The following FHL1 variants were observed in gnomAD, a reference collection of about 807,000 sequenced individuals.
The protein encoded by FHL1 is four and a half LIM domains 1.
FHL1 carries 1 observed loss-of-function variant against 20.3 expected under a neutral mutation model. The observed-to-expected ratio is 0.05, with a 90% CI of 0.02 to 0.23. The LOEUF is 0.23. Ranked by LOEUF, FHL1 falls within the 10% of genes least tolerant of loss-of-function variation. FHL1 has a pLI of 1.00. For synonymous variants in FHL1, 82 were observed against 88.9 expected (o/e 0.92, Z 0.44); for missense variants, 177 against 234.0 (o/e 0.76, Z 1.59).
rs973503617 is a variant in FHL1, at chrX:136,206,907, A to G, written c.205-109A>G. 6.9e-6 allele frequency: 6 copies of G among 863,336 alleles called. No homozygotes were observed. In the Admixed American group the frequency reaches 8.9e-5, roughly 13 times the overall value. The allele number at this position is 863,336 out of a possible 1,213,427, so 71.1% of individuals were successfully genotyped here. On this transcript the variant is annotated intron_variant, in intron 2 of 5. Coordinates refer to ENST00000370683, the MANE Select transcript of FHL1 (RefSeq NM_001159699.2). ...TGTGGGGCAGTCCCAGGTGTAAGGG[A>G]CTGTGTCATCTCAGTGGTCAGTCCC...
intron 2 of FHL1, among the ~76,000 whole-genome samples, chrX:136,182,130 C>CT (rs1459661021): frequency 8.9e-6 from 1 of 112,046 alleles, no homozygotes; most frequent in East Asian, 2.8e-4. Flanking sequence ...TAAATTGGAA[C>CT]TTTTTTGTAA....
At chrX:136,194,406 G>C (rs376841434), upstream of FHL1, among the ~76,000 whole-genome samples, 2 of 111,810 alleles carry the variant, frequency 1.8e-5, no homozygotes, top group Non-Finnish European at 3.8e-5. Context: ...TGTATCTGCA[G>C]ATAGTAGGAC....
At chrX:136,173,537 T>C (rs1430729773) in intron 2 of FHL1, among the ~76,000 whole-genome samples, 1 of 111,807 alleles carries the variant, frequency 8.9e-6, no homozygotes, top group East Asian at 2.8e-4. Flanking sequence ...GGTGTTCTTT[T>C]AAAATTTTAA....
At chrX:136,208,844 CTG>C (rs2073923145) in intron 5 of FHL1, among the ~76,000 whole-genome samples, 1 of 107,971 alleles carries the variant, frequency 9.3e-6, no homozygotes, top group Non-Finnish European at 1.9e-5. Context: ...CACTTCCTGA[CTG>C]TTGACTAACA....
chrX:136,171,322 A>C (rs1055841687), intron 2 of FHL1, among the ~76,000 whole-genome samples: 1 of 111,793 alleles, frequency 8.9e-6, no homozygotes, highest in Non-Finnish European at 1.9e-5. Context: ...AGAGAAAACC[A>C]AAGCTGAACT....
Position 136,206,498 on chromosome X carries a change from G to A in FHL1, c.114G>A (p.Lys38=), listed in dbSNP as rs140149764. The A allele has an allele frequency of 9.8e-5, 119 of 1,211,485 alleles. No homozygotes were observed. In the African/African-American group the frequency reaches 2.0e-3, roughly 20 times the overall value. The change falls in exon 2 of 6, where the codon AAG becomes AAA. Residue 38 remains lysine (K), a synonymous_variant. Transcript: ENST00000370683. The part of the protein sequence containing the change: ...DPLQGKKYVQ[K]DGHHCCLKCF... ...TGCAGGGGAAGAAGTATGTGCAAAA[G>A]GATGGCCACCACTGCTGCCTGAAAT... is the stretch of plus-strand genomic sequence containing the variant.
At chrX:136,194,296 A>G (rs1225264300), upstream of FHL1, among the ~76,000 whole-genome samples, 3 of 112,371 alleles carry the variant, frequency 2.7e-5, no homozygotes, top group Admixed American at 1.9e-4. Flanking sequence ...AATACCTTGC[A>G]CCACATAGTA....
chrX:136,210,642 C>T lies in FHL1; in HGVS notation c.*617C>T, dbSNP rs1413238755. On this transcript the variant is annotated 3_prime_UTR_variant, in exon 6 of 6. Transcript: ENST00000370683. The stretch of plus-strand genomic sequence containing the variant: ...CTTTCCCCGTACTAACGTTTGGTTT[C>T]CCCGTGTGGCATGTTTTCTGAGCGT... 1 of 388,374 alleles carries T rather than the reference C, an allele frequency of 2.6e-6. No homozygotes were observed. The highest frequency in any genetic ancestry group is 4.8e-6 in the Non-Finnish European group (1 of 206,802). 32.0% of individuals were successfully genotyped at this position (388,374 alleles called of 1,213,427 possible).
intron 1 of FHL1, among the ~76,000 whole-genome samples, chrX:136,156,270 A>T (rs1274430640): frequency 2.7e-5 from 3 of 109,947 alleles, no homozygotes; most frequent in Non-Finnish European, 5.7e-5. Flanking sequence ...CAAGACATTA[A>T]ATGTTCTATA....
At chrX:136,190,624 C>A (rs983167383) in intron 2 of FHL1, among the ~76,000 whole-genome samples, 1 of 111,901 alleles carries the variant, frequency 8.9e-6, no homozygotes, top group South Asian at 3.8e-4. Context: ...TCTACACACA[C>A]AACTGTCCCT....
chrX:136,164,650 G>C (rs1038188894), upstream of FHL1, among the ~76,000 whole-genome samples: 5 of 111,556 alleles, frequency 4.5e-5, no homozygotes, highest in South Asian at 7.5e-4. Context: ...AGAGCTCCTT[G>C]GTATTTATTT....
At chrX:136,209,781 C>CAAAA (rs1320214022) in intron 5 of FHL1, 90 bp from the exon 6 acceptor site, 12 of 1,059,985 alleles carry the variant, frequency 1.1e-5, no homozygotes, top group Non-Finnish European at 9.0e-6. Flanking sequence ...GGCAGGTCGT[C>CAAAA]ATTTTATCTC....
At chrX:136,196,793 C>T (rs747179567), upstream of FHL1, 45 of 1,161,535 alleles carry the variant, frequency 3.9e-5, no homozygotes, top group Non-Finnish European at 5.1e-5. Context: ...AATTTTATTC[C>T]GGTACAGGGA....
At chrX:136,153,117 G>A (rs1242253376) in intron 1 of FHL1, among the ~76,000 whole-genome samples, 1 of 111,159 alleles carries the variant, frequency 9.0e-6, no homozygotes, top group Non-Finnish European at 1.9e-5. Context: ...TATAATACGC[G>A]GCATCAAATT....
chrX:136,174,940 T>C (rs767265598), intron 2 of FHL1, among the ~76,000 whole-genome samples: 29 of 111,956 alleles, frequency 2.6e-4, no homozygotes, highest in Non-Finnish European at 4.9e-4. Flanking sequence ...ATAAAATGAT[T>C]TTAAAAAGTT....
upstream of FHL1, chrX:136,196,886 A>AT (rs771107009): frequency 8.7e-7 from 1 of 1,146,245 alleles, no homozygotes; most frequent in East Asian, 3.3e-5. Flanking sequence ...AGCGTTTGGT[A>AT]TTTTTACTGG....
chrX:136,186,291 T>G lies in FHL1; in HGVS notation c.-27+16311T>G, dbSNP rs1029488474. On this transcript the variant is annotated intron_variant, in intron 2 of 6. Coordinates refer to the FHL1 transcript ENST00000394153. ...GCCACTTCCTCTCTGGGTGGCTGAT[T>G]AGCTGAGGGTAACCTTCATATAGCT... Among the ~76,000 whole-genome samples the G allele has an allele frequency of 3.6e-5, 4 of 111,291 alleles. No homozygotes were observed. In the East Asian group the frequency reaches 1.1e-3, roughly 31 times the overall value.
chrX:136,186,871 TATATATATATAGATAGATAGATAGATAG>T (rs1258447043), intron 2 of FHL1, among the ~76,000 whole-genome samples: 13 of 58,897 alleles, frequency 2.2e-4, no homozygotes, highest in South Asian at 1.0e-3. Context: ...AAAAAATATA[TATATATATATAGATAGATAGATAGATAG>T]ATAGATAGAT....
chrX:136,196,580 C>T (rs1459021111), upstream of FHL1, among the ~76,000 whole-genome samples: 1 of 111,669 alleles, frequency 9.0e-6, no homozygotes, highest in Non-Finnish European at 1.9e-5. Context: ...AGAGTGACAA[C>T]ATCTATAATC....
Sources: gnomAD v4.1 joint callset for allele counts (sites outside exome capture counted in the v4.1 genomes callset) on GRCh38, gnomAD v4.1.1 for gene constraint, MANE v1.5 for transcripts, NCBI Gene and HGNC (gene_info 2026-07-23, HGNC 2026-07-21) for gene names.